CTNNAL1: variants seen among roughly 807,000 people sequenced by gnomAD.
CTNNAL1 encodes alpha-catulin.
In CTNNAL1, 69 loss-of-function variants were observed where a neutral mutation model predicts 93.6. That is an observed-to-expected ratio of 0.74 (90% CI 0.61 to 0.90). The LOEUF is 0.90. Among genes scored for constraint, CTNNAL1 ranks in the 40% least tolerant of loss-of-function variants. CTNNAL1 has a pLI of 0.00. For missense variants in CTNNAL1, 836 were observed against 862.0 expected, an observed-to-expected ratio of 0.97 and a Z score of 0.38; for synonymous variants, 286 against 305.4, an observed-to-expected ratio of 0.94 and a Z score of 0.66.
rs544341715 is a variant in CTNNAL1, at chr9:108,958,943, T to G, written c.1592-3116A>C. On this transcript the variant is annotated intron_variant, in intron 11 of 18. Transcript: ENST00000325551. ...ATGTGAATCTAATTATTGCCGTTGA[T>G]TCTAAGCAGAAAAAAAAAAAAAAAG... Among the ~76,000 whole-genome samples the G allele has an allele frequency of 6.1e-4, 92 of 150,390 alleles. 3 individuals carry two copies. The South Asian group carries it at 0.018, about 30-fold the overall frequency.
intron 9 of CTNNAL1, among the ~76,000 whole-genome samples, chr9:108,971,195 A>G (rs28361148): frequency 0.056 from 8,546 of 152,288 alleles, 362 homozygotes; most frequent in South Asian, 0.14. Context: ...TTTGGCTCCT[A>G]TGTAAACAAG....
intron 8 of CTNNAL1, among the ~76,000 whole-genome samples, chr9:108,975,215 ATGAGAGGTC>A (rs1831232485): frequency 1.3e-5 from 2 of 151,872 alleles, no homozygotes; most frequent in South Asian, 4.2e-4. Context: ...GCTAAGGGAA[ATGAGAGGTC>A]TGTGTGAGGA....
intron 4 of CTNNAL1, among the ~76,000 whole-genome samples, chr9:108,986,554 G>T (rs912669016): frequency 1.3e-5 from 2 of 151,812 alleles, no homozygotes; most frequent in Non-Finnish European, 2.9e-5. Flanking sequence ...GTAATGGGAT[G>T]GCTGGGTCAA....
chr9:109,011,201 T>C (rs1827192807), intron 1 of CTNNAL1, among the ~76,000 whole-genome samples: 1 of 152,152 alleles, frequency 6.6e-6, no homozygotes, highest in African/African-American at 2.4e-5. Context: ...GTTAACCGAG[T>C]ATTCTGGCCA....
In CTNNAL1 at chr9:108,942,938, C is replaced by T. The variant is rs370736818; in HGVS notation, c.2139+23G>A. 23 of 1,610,264 alleles carry T rather than the reference C, an allele frequency of 1.4e-5. No individual in the cohort carries two copies. In the African/African-American group the frequency reaches 2.7e-4, roughly 19 times the overall value. Reference sequence around the variant, plus strand: ...TTAAACCATTTTTTAAAGTATGAGTCTAAAATAGAAAAACTACCTCACCTT... The same window carrying T: ...TTAAACCATTTTTTAAAGTATGAGTTTAAAATAGAAAAACTACCTCACCTT... On this transcript the variant is annotated intron_variant, in intron 18 of 18. Coordinates refer to ENST00000325551, the MANE Select transcript of CTNNAL1 (RefSeq NM_003798.4).
chr9:108,974,694 G>C (rs576783089), intron 8 of CTNNAL1, among the ~76,000 whole-genome samples: 24 of 152,220 alleles, frequency 1.6e-4, no homozygotes, highest in African/African-American at 5.5e-4. Context: ...CAGACATGGT[G>C]GCATGCACCT....
At chr9:108,943,169 T>A in intron 17 of CTNNAL1, 125 bp from the exon 18 acceptor site, 2 of 894,862 alleles carry the variant, frequency 2.2e-6, no homozygotes, top group Non-Finnish European at 1.7e-6. Flanking sequence ...GAAAGAGATA[T>A]GGATTTAGGC....
intron 11 of CTNNAL1, among the ~76,000 whole-genome samples, chr9:108,961,070 G>T (rs1396614152): frequency 7.0e-6 from 1 of 142,406 alleles, no homozygotes. Context: ...ATGGTTGAAT[G>T]ATACTTACAA....
rs950710793 is a variant in CTNNAL1, at chr9:108,999,301, T to C, written c.142-45A>G. 3 of 1,538,508 alleles carry C rather than the reference T, an allele frequency of 1.9e-6. No homozygotes were observed. The African/African-American group carries it at 4.2e-5, about 21-fold the overall frequency. ...GCAACTTTTATCTCAATACCTTTTC[T>C]TTTTTAAGCTGTATCACAAAGTCAA... On this transcript the variant is annotated intron_variant, in intron 1 of 18. Coordinates refer to ENST00000325551, the MANE Select transcript of CTNNAL1 (RefSeq NM_003798.4).
chr9:108,997,862 G>A (rs1427047693), intron 2 of CTNNAL1, among the ~76,000 whole-genome samples: 1 of 152,138 alleles, frequency 6.6e-6, no homozygotes, highest in Non-Finnish European at 1.5e-5. Flanking sequence ...CTGGACCACT[G>A]TGACAACCTC....
chr9:108,979,555 T>C, intron 6 of CTNNAL1, 74 bp from the exon 7 acceptor site: 1 of 1,377,394 alleles, frequency 7.3e-7, no homozygotes, highest in Non-Finnish European at 1.0e-6. Context: ...CTGTAATTTC[T>C]AACAGTGCCC....
At chr9:108,999,833 C>T (rs1826729187) in intron 1 of CTNNAL1, among the ~76,000 whole-genome samples, 1 of 152,190 alleles carries the variant, frequency 6.6e-6, no homozygotes, top group Non-Finnish European at 1.5e-5. Flanking sequence ...AGAGTTTTAA[C>T]ACTTGATCCC....
Position 108,956,361 on chromosome 9 carries a change from C to T in CTNNAL1, c.1592-534G>A, listed in dbSNP as rs116890581. 7.5e-3 allele frequency among the ~76,000 whole-genome samples: 1,136 copies of T among 152,308 alleles called. 5 individuals are homozygous for T. Among genetic ancestry groups the T allele is most frequent in the South Asian group, 0.026 (127 of 4,824 alleles). On this transcript the variant is annotated intron_variant, in intron 11 of 18. Coordinates refer to ENST00000325551, the MANE Select transcript of CTNNAL1 (RefSeq NM_003798.4). Reference sequence around the variant, plus strand: ...CTGTGAATTGACACGTCACATGAAGCATGATAACGAGGAAAGGAAGGAGAC... The same window carrying T: ...CTGTGAATTGACACGTCACATGAAGTATGATAACGAGGAAAGGAAGGAGAC...
At chr9:108,984,313 A>C (rs1474782011) in intron 5 of CTNNAL1, 34 bp downstream of exon 5, 1 of 1,068,720 alleles carries the variant, frequency 9.4e-7, no homozygotes. Context: ...TCTAATTATT[A>C]ATTTATTACA....
intron 3 of CTNNAL1, chr9:108,992,143 T>C (rs1831833213): frequency 1.4e-6 from 1 of 699,340 alleles, no homozygotes; most frequent in Non-Finnish European, 2.6e-6. Context: ...TACATTATCA[T>C]AGTGCTCACC....
intron 1 of CTNNAL1, among the ~76,000 whole-genome samples, chr9:109,011,645 C>T (rs1228334530): frequency 1.3e-5 from 2 of 152,192 alleles, no homozygotes; most frequent in African/African-American, 4.8e-5. Context: ...AGAGAGGACA[C>T]AGCATAGTGT....
intron 15 of CTNNAL1, among the ~76,000 whole-genome samples, chr9:108,944,626 G>C (rs947151146): frequency 1.3e-5 from 2 of 152,166 alleles, no homozygotes; most frequent in East Asian, 3.8e-4. Flanking sequence ...TAAGACAGAA[G>C]TATTTAGCAT....
chr9:108,960,849 T>C (rs1223550463), intron 11 of CTNNAL1, among the ~76,000 whole-genome samples: 2 of 151,860 alleles, frequency 1.3e-5, no homozygotes, highest in African/African-American at 4.8e-5. Context: ...TCCCTGGAGG[T>C]TTGGGTGAGA....
Position 108,979,387 on chromosome 9 carries a change from A to G in CTNNAL1, c.995T>C (p.Phe332Ser). 1.2e-6 allele frequency: 2 copies of G among 1,614,178 alleles called. No homozygotes were observed. Among genetic ancestry groups the G allele is most frequent in the South Asian group, 1.1e-5 (1 of 91,080 alleles). ...ATGGCTGGTGTAGGCAGAATCAGTA[A>G]AGTCCTCCATACGCTCCAAGATGAC... ...LEVILERMEDFTDSAYTSHEH... is the reference protein window; with the variant it reads ...LEVILERMEDSTDSAYTSHEH... The change falls in exon 7 of 19, where the codon TTT (phenylalanine) becomes TCT (serine). Residue 332 changes from phenylalanine to serine, a missense_variant. Phe to Ser is a radical substitution (Grantham distance 155, BLOSUM62 -2). Transcript: ENST00000325551.
Sources: allele counts gnomAD v4.1 joint callset (sites outside exome capture counted in the v4.1 genomes callset), GRCh38; gene constraint gnomAD v4.1.1; transcripts MANE v1.5; gene names NCBI Gene and HGNC (gene_info 2026-07-23, HGNC 2026-07-21).